SOX6: variants seen among roughly 807,000 people sequenced by gnomAD.
SOX6 encodes SRY-box transcription factor 6, also known as transcription factor SOX-6.
SOX6 carries 11 observed loss-of-function variants against 97.8 expected under a neutral mutation model. The observed-to-expected ratio is 0.11, with a 90% CI of 0.07 to 0.19. The LOEUF is 0.19. SOX6 is among the 10% of genes least tolerant of loss of function. The probability of loss-of-function intolerance (pLI) is 1.00; values close to 1 mark genes in which losing one functional copy is unlikely to be tolerated. For synonymous variants in SOX6, 360 were observed against 371.4 expected (o/e 0.97, Z 0.35); for missense variants, 810 against 1,039.5 (o/e 0.78, Z 3.04).
At chr11:16,424,702 C>CTT (rs1296651417) in intron 1 of SOX6, among the ~76,000 whole-genome samples, 15 of 152,212 alleles carry the variant, frequency 9.9e-5, no homozygotes, top group African/African-American at 3.6e-4. Context: ...ATGTGAGATA[C>CTT]ACAAAGTTCC....
At chr11:16,121,901 T>C (rs1849503541) in intron 6 of SOX6, among the ~76,000 whole-genome samples, 1 of 152,062 alleles carries the variant, frequency 6.6e-6, no homozygotes, top group Non-Finnish European at 1.5e-5. Flanking sequence ...TTTCAATCCA[T>C]ACAAATGCAT....
chr11:16,216,021 G>T (rs550892911), intron 4 of SOX6, among the ~76,000 whole-genome samples: 1 of 152,136 alleles, frequency 6.6e-6, no homozygotes, highest in African/African-American at 2.4e-5. Flanking sequence ...TCAAATCCTG[G>T]TTTAGCCACT....
At chr11:16,127,626 C>A (rs1241999455) in intron 6 of SOX6, among the ~76,000 whole-genome samples, 1 of 152,038 alleles carries the variant, frequency 6.6e-6, no homozygotes, top group African/African-American at 2.4e-5. Flanking sequence ...TGTCATTATT[C>A]CCTAAAATCT....
intron 6 of SOX6, among the ~76,000 whole-genome samples, chr11:16,116,613 C>T (rs1157076309): frequency 6.6e-6 from 1 of 152,136 alleles, no homozygotes; most frequent in African/African-American, 2.4e-5. Context: ...TCTTGCAAAA[C>T]TACAGTATGA....
intron 2 of SOX6, among the ~76,000 whole-genome samples, chr11:16,327,774 G>A (rs1249701180): frequency 6.6e-6 from 1 of 152,104 alleles, no homozygotes; most frequent in Non-Finnish European, 1.5e-5. Flanking sequence ...AGAAAGCATA[G>A]GTCAGGAGTT....
intron 1 of SOX6, among the ~76,000 whole-genome samples, chr11:16,364,012 C>T (rs12285944): frequency 0.015 from 2,330 of 152,236 alleles, 52 homozygotes; most frequent in African/African-American, 0.053. Flanking sequence ...GTAGGAACTA[C>T]TTGTTCAATG....
chr11:16,268,635 C>G (rs942946312), intron 3 of SOX6, among the ~76,000 whole-genome samples: 5 of 151,150 alleles, frequency 3.3e-5, no homozygotes, highest in African/African-American at 1.2e-4. Flanking sequence ...AATTCAACAC[C>G]CCTTTCTTAA....
At chr11:16,388,284 T>A (rs1858054681) in intron 1 of SOX6, among the ~76,000 whole-genome samples, 1 of 152,168 alleles carries the variant, frequency 6.6e-6, no homozygotes, top group South Asian at 2.1e-4. Flanking sequence ...TTGGTCGTGA[T>A]ATTTCATCCT....
intron 11 of SOX6, 42 bp downstream of exon 11, chr11:16,049,713 C>T (rs1168880466): frequency 1.2e-6 from 2 of 1,610,062 alleles, no homozygotes; most frequent in Admixed American, 1.7e-5. Context: ...TTTCTTTTAC[C>T]TAATTCGTAA....
chr11:16,001,023 A>T (rs1590120547), intron 13 of SOX6, among the ~76,000 whole-genome samples: 1 of 150,604 alleles, frequency 6.6e-6, no homozygotes, highest in Non-Finnish European at 1.5e-5. Flanking sequence ...TACCCAGCTA[A>T]TTTTTTTTTA....
At chr11:15,984,432 C>T (rs1237226932) in intron 15 of SOX6, among the ~76,000 whole-genome samples, 23 of 152,108 alleles carry the variant, frequency 1.5e-4, no homozygotes, top group Admixed American at 1.5e-3. Context: ...GCAGGAATCA[C>T]AAGAGGTCCC....
At chr11:16,460,705 T>A (rs903510478) in intron 1 of SOX6, among the ~76,000 whole-genome samples, 3 of 151,870 alleles carry the variant, frequency 2.0e-5, no homozygotes, top group Middle Eastern at 3.2e-3. Context: ...AACCAGGGAG[T>A]CATAGTCATC....
At chr11:16,677,226 T>A (rs1464083327) in intron 3 of SOX6, among the ~76,000 whole-genome samples, 1 of 152,158 alleles carries the variant, frequency 6.6e-6, no homozygotes, top group Non-Finnish European at 1.5e-5. Flanking sequence ...GGGAATAAGG[T>A]CCATGCTGCT....
intron 12 of SOX6, among the ~76,000 whole-genome samples, chr11:16,042,925 C>G (rs1365291101): frequency 1.3e-5 from 2 of 152,178 alleles, no homozygotes; most frequent in Non-Finnish European, 2.9e-5. Flanking sequence ...AATCAGTCTA[C>G]TGGCTCACAT....
chr11:16,414,342 C>T (rs575249833), intron 1 of SOX6, among the ~76,000 whole-genome samples: 1 of 152,200 alleles, frequency 6.6e-6, no homozygotes, highest in Non-Finnish European at 1.5e-5. Flanking sequence ...ACCTAACTCT[C>T]AGGATAACAT....
intron 1 of SOX6, among the ~76,000 whole-genome samples, chr11:16,387,298 A>G (rs1858017490): frequency 6.6e-6 from 1 of 152,140 alleles, no homozygotes; most frequent in Non-Finnish European, 1.5e-5. Flanking sequence ...CTAGTCAATT[A>G]CCAGATATTG....
chr11:16,132,397 AGAAAAAAGAAAG>A lies in SOX6; in HGVS notation c.778-20486_778-20475del, dbSNP rs1482989345. Among the ~76,000 whole-genome samples the A allele has an allele frequency of 5.7e-3, 473 of 82,742 alleles. 6 individuals are homozygous for A. Among genetic ancestry groups the A allele is most frequent in the Admixed American group, 8.2e-3 (54 of 6,558 alleles). 54.3% of individuals were successfully genotyped at this position (82,742 alleles called of 152,430 possible). A position where few individuals can be genotyped will look rare whatever the true frequency, so the allele number is the denominator to read the frequency against. ...AAGAAAGAAAGAAAGAAAGAAAGAA[AGAAAAAAGAAAG>A]AAAGAAAGAAAGAAAGAAAGAAAGA... On this transcript the variant is annotated intron_variant, in intron 6 of 15. Coordinates refer to ENST00000683767, the MANE Select transcript of SOX6 (RefSeq NM_001367873.1).
chr11:15,984,631 C>T (rs990496342), intron 15 of SOX6, among the ~76,000 whole-genome samples: 2 of 152,166 alleles, frequency 1.3e-5, no homozygotes, highest in Non-Finnish European at 2.9e-5. Flanking sequence ...AAACGCATTA[C>T]CTTTAAAAAT....
chr11:16,443,186 C>T (rs975827512), intron 1 of SOX6, among the ~76,000 whole-genome samples: 1 of 152,170 alleles, frequency 6.6e-6, no homozygotes, highest in Non-Finnish European at 1.5e-5. Context: ...CCCCCCAGTT[C>T]TTCCGGACAA....
Sources: gnomAD v4.1 joint callset for allele counts (sites outside exome capture counted in the v4.1 genomes callset) on GRCh38, gnomAD v4.1.1 for gene constraint, MANE v1.5 for transcripts, NCBI Gene and HGNC (gene_info 2026-07-23, HGNC 2026-07-21) for gene names.